SAMD12: variants seen among roughly 807,000 people sequenced by gnomAD.
The protein encoded by SAMD12 is sterile alpha motif domain containing 12.
In SAMD12, 9 loss-of-function variants were observed where a neutral mutation model predicts 15.0. That is an observed-to-expected ratio of 0.60 (90% confidence interval 0.36 to 1.05). The LOEUF (loss-of-function observed/expected upper bound fraction) is 1.05. SAMD12 is among the 50% of genes least tolerant of loss of function. The pLI, the probability that SAMD12 is intolerant of heterozygous loss-of-function variation, is 0.01. For missense variants in SAMD12, 230 were observed against 234.2 expected, an observed-to-expected ratio of 0.98 and a Z score of 0.12; for synonymous variants, 86 against 90.1, an observed-to-expected ratio of 0.96 and a Z score of 0.25.
intron 2 of SAMD12, among the ~76,000 whole-genome samples, chr8:118,559,441 C>T (rs774240347): frequency 2.6e-5 from 4 of 152,238 alleles, no homozygotes; most frequent in Non-Finnish European, 4.4e-5. Flanking sequence ...CACATATCTA[C>T]CTCTCTGATT....
intron 4 of SAMD12, among the ~76,000 whole-genome samples, chr8:118,208,470 T>A (rs1481871907): frequency 6.6e-6 from 1 of 152,168 alleles, no homozygotes; most frequent in Non-Finnish European, 1.5e-5. Context: ...GTGCTGCTGG[T>A]GTGTGGACCA....
At chr8:118,593,963 G>A (rs16891229) in intron 1 of SAMD12, among the ~76,000 whole-genome samples, 4,277 of 152,196 alleles carry the variant, frequency 0.028, 200 homozygotes, top group African/African-American at 0.097. Context: ...TTATAAAAGC[G>A]ACTTCCTATT....
At chr8:118,254,180 A>G (rs1812879627) in intron 4 of SAMD12, among the ~76,000 whole-genome samples, 1 of 152,150 alleles carries the variant, frequency 6.6e-6, no homozygotes, top group African/African-American at 2.4e-5. Flanking sequence ...AGGTCCATTA[A>G]CCACTTATTT....
At position 118,553,520 on chromosome 8, in the gene SAMD12, C is replaced by T. The variant is rs1354191513; in HGVS notation, c.192+27195G>A. 4.6e-5 allele frequency among the ~76,000 whole-genome samples: 7 copies of T among 152,140 alleles called. No individual in the cohort carries two copies. In the South Asian group the frequency reaches 8.3e-4, roughly 18 times the overall value. ...CTGGATCCCTTCCTCACACCTTATA[C>T]AAAAATCAATTCAAGATGGATTAAA... On this transcript the variant is annotated intron_variant, in intron 2 of 3. Transcript: ENST00000314727.
chr8:118,399,965 T>C (rs143803920), intron 3 of SAMD12, among the ~76,000 whole-genome samples: 170 of 152,300 alleles, frequency 1.1e-3, no homozygotes, highest in African/African-American at 3.9e-3. Context: ...GCCTCTGCAA[T>C]ACATAATTAG....
At chr8:118,191,299 G>A (rs1417195494) in exon 5 of SAMD12, 2 of 152,120 alleles carry the variant, frequency 1.3e-5, no homozygotes, top group Non-Finnish European at 2.9e-5. Context: ...ATTGGTGGAA[G>A]AAAGGTGGTG....
intron 4 of SAMD12, among the ~76,000 whole-genome samples, chr8:118,307,758 T>A (rs1290993251): frequency 2.6e-5 from 4 of 152,026 alleles, no homozygotes; most frequent in Non-Finnish European, 5.9e-5. Context: ...TTTGGCTCTA[T>A]ACACTTGTTC....
chr8:118,226,484 G>A (rs113751301), intron 4 of SAMD12, among the ~76,000 whole-genome samples: 1 of 152,090 alleles, frequency 6.6e-6, no homozygotes, highest in Non-Finnish European at 1.5e-5. Flanking sequence ...CTGGCTTCTC[G>A]TATATTTCTT....
intron 4 of SAMD12, among the ~76,000 whole-genome samples, chr8:118,254,975 C>A (rs983519583): frequency 1.3e-5 from 2 of 151,842 alleles, no homozygotes; most frequent in African/African-American, 4.8e-5. Context: ...CCCAAATGTC[C>A]CCTCAATCCT....
At chr8:118,470,182 T>TA (rs1286621110) in intron 2 of SAMD12, among the ~76,000 whole-genome samples, 1 of 151,834 alleles carries the variant, frequency 6.6e-6, no homozygotes, top group East Asian at 1.9e-4. Flanking sequence ...TGACTCCACT[T>TA]ATGCTATAAA....
chr8:118,533,235 T>C (rs182411686), intron 2 of SAMD12, among the ~76,000 whole-genome samples: 1 of 152,352 alleles, frequency 6.6e-6, no homozygotes, highest in Admixed American at 6.5e-5. Flanking sequence ...TGAGTTTCCA[T>C]GTAGTTGAGC....
intron 3 of SAMD12, among the ~76,000 whole-genome samples, chr8:118,434,004 G>A (rs1822499502): frequency 6.6e-6 from 1 of 152,156 alleles, no homozygotes; most frequent in Non-Finnish European, 1.5e-5. Flanking sequence ...CATAATAAAA[G>A]AATTGGAAGA....
intron 2 of SAMD12, among the ~76,000 whole-genome samples, chr8:118,544,204 AC>A (rs1453810396): frequency 6.6e-6 from 1 of 152,228 alleles, no homozygotes; most frequent in Non-Finnish European, 1.5e-5. Context: ...ATGTGGTGGC[AC>A]AAAAATGAGT....
chr8:118,315,000 A>C (rs1416840557), intron 4 of SAMD12, among the ~76,000 whole-genome samples: 1 of 152,250 alleles, frequency 6.6e-6, no homozygotes, highest in African/African-American at 2.4e-5. Context: ...AGTAAGTAGA[A>C]TAATAAAACT....
At chr8:118,517,177 C>A (rs1294087675) in intron 2 of SAMD12, among the ~76,000 whole-genome samples, 1 of 152,060 alleles carries the variant, frequency 6.6e-6, no homozygotes, top group African/African-American at 2.4e-5. Context: ...TCCTAGTCAC[C>A]AGGGAGAATA....
At chr8:118,257,535 TTCCGTATGAAATGACCATACGG>T (rs1362741221) in intron 4 of SAMD12, among the ~76,000 whole-genome samples, 1 of 152,120 alleles carries the variant, frequency 6.6e-6, no homozygotes, top group Non-Finnish European at 1.5e-5. Flanking sequence ...CTCCTCCTCC[TTCCGTATGAAATGACCATACGG>T]AATCTGCAAG....
chr8:118,202,315 A>G (rs937829446), intron 4 of SAMD12, among the ~76,000 whole-genome samples: 6 of 152,248 alleles, frequency 3.9e-5, no homozygotes, highest in African/African-American at 9.6e-5. Flanking sequence ...GCTGGGGGCC[A>G]GGAAAAGAAA....
Position 118,465,832 on chromosome 8 carries a change from T to A in SAMD12, c.193-25871A>T, listed in dbSNP as rs541305517. On this transcript the variant is annotated intron_variant, in intron 2 of 3. Coordinates refer to ENST00000314727, the MANE Select transcript of SAMD12 (RefSeq NM_207506.3). ...CATTCTTGGAATCTAGGACTTCGAG[T>A]TTTAAAAGTGAGGCAGTCCTGGGGA... Among the ~76,000 whole-genome samples the A allele has an allele frequency of 3.9e-5, 6 of 152,170 alleles. No individual in the cohort carries two copies. In the South Asian group the frequency reaches 1.2e-3, roughly 32 times the overall value.
At chr8:118,412,742 C>T (rs1821474449) in intron 3 of SAMD12, among the ~76,000 whole-genome samples, 1 of 152,064 alleles carries the variant, frequency 6.6e-6, no homozygotes, top group Admixed American at 6.6e-5. Context: ...CAGCCAAATC[C>T]TTCCTGAAAT....
Sources: allele counts gnomAD v4.1 joint callset (sites outside exome capture counted in the v4.1 genomes callset), GRCh38; gene constraint gnomAD v4.1.1; transcripts MANE v1.5; gene names NCBI Gene and HGNC (gene_info 2026-07-23, HGNC 2026-07-21).